BBX: variants seen among roughly 807,000 people sequenced by gnomAD.
BBX encodes HMG box transcription factor BBX.
In BBX, 30 loss-of-function variants were observed where a neutral mutation model predicts 100.2. The ratio of observed to expected loss-of-function variants is 0.30; its 90% CI spans 0.22 to 0.41. The LOEUF (loss-of-function observed/expected upper bound fraction) is 0.41, where lower values mean the gene tolerates loss of function less well. Ranked by LOEUF, BBX falls within the 10% of genes least tolerant of loss-of-function variation. The pLI is 1.00. For missense variants in BBX, 1,023 were observed against 1,129.8 expected, an observed-to-expected ratio of 0.91 and a Z score of 1.35; for synonymous variants, 376 against 388.1, an observed-to-expected ratio of 0.97 and a Z score of 0.37.
At chr3:107,762,096 C>T (rs1481354399) in intron 10 of BBX, among the ~76,000 whole-genome samples, 28 of 152,126 alleles carry the variant, frequency 1.8e-4, no homozygotes, top group Non-Finnish European at 2.9e-4. Context: ...TTTTAGAAAA[C>T]TCCTGTTCTA....
intron 17 of BBX, among the ~76,000 whole-genome samples, chr3:107,805,058 A>G (rs933803146): frequency 6.6e-6 from 1 of 152,152 alleles, no homozygotes; most frequent in African/African-American, 2.4e-5. Flanking sequence ...TTGGTACTTA[A>G]AATTTCATCT....
intron 17 of BBX, 86 bp from the exon 18 acceptor site, chr3:107,805,284 T>C: frequency 1.5e-6 from 2 of 1,378,398 alleles, no homozygotes; most frequent in Non-Finnish European, 9.9e-7. Context: ...AAACAAGATA[T>C]TGGAACACAC....
intron 3 of BBX, among the ~76,000 whole-genome samples, chr3:107,650,516 G>T (rs1362991087): frequency 6.6e-6 from 1 of 151,508 alleles, no homozygotes; most frequent in Non-Finnish European, 1.5e-5. Flanking sequence ...TGTACTTTCA[G>T]AATCAAGTAC....
chr3:107,593,698 A>G lies in BBX; in HGVS notation c.-83-52138A>G, dbSNP rs114938680. Among the ~76,000 whole-genome samples the G allele has an allele frequency of 5.6e-3, 847 of 152,288 alleles. 2 individuals carry two copies. The highest frequency in any genetic ancestry group is 8.5e-3 in the Non-Finnish European group (579 of 68,012). On this transcript the variant is annotated intron_variant, in intron 2 of 17. Transcript: ENST00000325805. ...AGTATTTGGGAATACATAGGATGCA[A>G]CCTAATTCCGCCCAAGGGAAATGGG...
At chr3:107,712,506 G>C (rs2061789804) in intron 4 of BBX, among the ~76,000 whole-genome samples, 1 of 152,060 alleles carries the variant, frequency 6.6e-6, no homozygotes, top group Admixed American at 6.6e-5. Context: ...TTCATACTTT[G>C]CTGCTTTATT....
Position 107,696,152 on chromosome 3 carries a change from T to C in BBX, c.-9-14300T>C, listed in dbSNP as rs1003917992. Among the ~76,000 whole-genome samples the C allele has an allele frequency of 3.9e-5, 6 of 151,962 alleles. 1 individual carries two copies. Among genetic ancestry groups the C allele is most frequent in the East Asian group, 1.9e-4 (1 of 5,186 alleles). The stretch of plus-strand genomic sequence containing the variant: ...TGATGGGTCTTGACTCTTTATCCAA[T>C]TTGCCAGTCTGTGTCTTTTAATTGG... On this transcript the variant is annotated intron_variant, in intron 3 of 17. Coordinates refer to ENST00000325805, the MANE Select transcript of BBX (RefSeq NM_001142568.3).
chr3:107,727,112 A>G (rs897992384), intron 5 of BBX, among the ~76,000 whole-genome samples: 1 of 152,112 alleles, frequency 6.6e-6, no homozygotes, highest in Non-Finnish European at 1.5e-5. Flanking sequence ...AAAAAAATAG[A>G]TAATTTTATT....
chr3:107,608,274 C>T (rs1259405055), intron 2 of BBX, among the ~76,000 whole-genome samples: 2 of 152,156 alleles, frequency 1.3e-5, no homozygotes, highest in Admixed American at 6.5e-5. Flanking sequence ...AGTCTAGTCT[C>T]ATTCTTCTGC....
chr3:107,619,477 A>G (rs2055570273), intron 2 of BBX, among the ~76,000 whole-genome samples: 1 of 152,170 alleles, frequency 6.6e-6, no homozygotes, highest in Non-Finnish European at 1.5e-5. Context: ...GTCATCAAAC[A>G]TAACTGTAAA....
chr3:107,569,490 T>A (rs993472848), intron 2 of BBX, among the ~76,000 whole-genome samples: 2 of 151,248 alleles, frequency 1.3e-5, no homozygotes, highest in African/African-American at 4.9e-5. Context: ...GAGATAGGGG[T>A]GGGGCCGTTT....
At chr3:107,695,778 C>T (rs1337461024) in intron 3 of BBX, among the ~76,000 whole-genome samples, 5 of 151,272 alleles carry the variant, frequency 3.3e-5, no homozygotes, top group African/African-American at 1.2e-4. Flanking sequence ...GTTGATCTGT[C>T]TAATGTTGAC....
intron 3 of BBX, among the ~76,000 whole-genome samples, chr3:107,666,395 T>A (rs1010841576): frequency 6.6e-6 from 1 of 152,216 alleles, no homozygotes; most frequent in Non-Finnish European, 1.5e-5. Context: ...AACATTCCAT[T>A]TAAGTCTTGC....
rs2071000896 is a variant in BBX, at chr3:107,805,499, C to G, written c.*42C>G. Reference sequence around the variant, plus strand: ...AAAACATTGTGCTTTACCTACTACCCTAGCCTTGTCTTTACCGAGGGATGC... The same window carrying G: ...AAAACATTGTGCTTTACCTACTACCGTAGCCTTGTCTTTACCGAGGGATGC... On this transcript the variant is annotated 3_prime_UTR_variant, in exon 18 of 18. Coordinates refer to ENST00000325805, the MANE Select transcript of BBX (RefSeq NM_001142568.3). 1 of 1,613,936 alleles carries G rather than the reference C, an allele frequency of 6.2e-7. No homozygotes were observed. The highest frequency in any genetic ancestry group is 8.5e-7 in the Non-Finnish European group (1 of 1,179,854).
At chr3:107,744,737 T>G (rs1211255321) in intron 8 of BBX, 27 bp downstream of exon 8, 1 of 1,572,672 alleles carries the variant, frequency 6.4e-7, no homozygotes, top group South Asian at 1.1e-5. Flanking sequence ...GATACTTAAC[T>G]AATGAGGAAA....
rs969381167 is a variant in BBX at position 107,615,218 on chromosome 3, A to G, written c.-83-30618A>G. On this transcript the variant is annotated intron_variant, in intron 2 of 17. Coordinates refer to ENST00000325805, the MANE Select transcript of BBX (RefSeq NM_001142568.3). Reference sequence around the variant, plus strand: ...ACCATGTATTTAAGAACTTGAGTTAATGGTGTTTTATAATTTACTAGTATA... The same window carrying G: ...ACCATGTATTTAAGAACTTGAGTTAGTGGTGTTTTATAATTTACTAGTATA... Among the ~76,000 whole-genome samples the G allele has an allele frequency of 3.3e-5, 5 of 152,288 alleles. No homozygotes were observed. The South Asian group carries it at 1.0e-3, about 32-fold the overall frequency.
At chr3:107,531,574 G>GTT (rs992851611) in intron 2 of BBX, among the ~76,000 whole-genome samples, 2 of 145,236 alleles carry the variant, frequency 1.4e-5, no homozygotes. Context: ...AAGCCTTTTA[G>GTT]TTTTTTTTTT....
intron 1 of BBX, chr3:107,523,985 AG>A (rs1180108825): frequency 3.4e-4 from 40 of 118,194 alleles, no homozygotes; most frequent in African/African-American, 1.0e-3. Flanking sequence ...GAGGGAGGGA[AG>A]GGGGGGGAGA....
intron 15 of BBX, among the ~76,000 whole-genome samples, chr3:107,794,110 C>T (rs1326645040): frequency 1.3e-5 from 2 of 152,134 alleles, no homozygotes; most frequent in Non-Finnish European, 2.9e-5. Context: ...GCCATATGCT[C>T]ATGCTTTAAG....
At chr3:107,659,623 A>G (rs1244740217) in intron 3 of BBX, 2 of 700,162 alleles carry the variant, frequency 2.9e-6, no homozygotes, top group African/African-American at 3.8e-5. Flanking sequence ...TACGCTGCTA[A>G]TAAGTGGCAA....
Sources: gnomAD v4.1 joint callset for allele counts (sites outside exome capture counted in the v4.1 genomes callset) on GRCh38, gnomAD v4.1.1 for gene constraint, MANE v1.5 for transcripts, NCBI Gene and HGNC (gene_info 2026-07-23, HGNC 2026-07-21) for gene names.